The following ANKFN1 variants were observed in gnomAD, a reference collection of about 807,000 sequenced individuals.
The protein encoded by ANKFN1 is ankyrin repeat and fibronectin type-III domain-containing protein 1.
In ANKFN1, 74 loss-of-function variants were observed where a neutral mutation model predicts 108.7. That is an observed-to-expected ratio of 0.68 (90% CI 0.56 to 0.83). ANKFN1 has a LOEUF of 0.83. Ranked by LOEUF, ANKFN1 falls within the 40% of genes least tolerant of loss-of-function variation. ANKFN1 has a pLI of 0.00. For synonymous variants in ANKFN1, 547 were observed against 516.2 expected (o/e 1.06, Z -0.81); for missense variants, 1,505 against 1,382.3 (o/e 1.09, Z -1.41).
At chr17:56,133,261 G>T (rs144318443) in intron 4 of ANKFN1, among the ~76,000 whole-genome samples, 16 of 152,214 alleles carry the variant, frequency 1.1e-4, no homozygotes, top group Middle Eastern at 3.4e-3. Context: ...AAGTGAACAG[G>T]TTCATCAATT....
chr17:56,288,092 C>T (rs1338423579), intron 3 of ANKFN1, among the ~76,000 whole-genome samples: 1 of 151,788 alleles, frequency 6.6e-6, no homozygotes, highest in African/African-American at 2.4e-5. Context: ...TAATCAATTT[C>T]CTAATTTTTC....
At position 56,345,239 on chromosome 17, in the gene ANKFN1, T is replaced by C. The variant is rs189345937; in HGVS notation, c.189-5527T>C. Among the ~76,000 whole-genome samples the C allele has an allele frequency of 3.9e-5, 6 of 152,308 alleles. No homozygotes were observed. The East Asian group carries it at 1.2e-3, about 29-fold the overall frequency. On this transcript the variant is annotated intron_variant, in intron 4 of 20. Coordinates refer to ENST00000682825, the MANE Select transcript of ANKFN1 (RefSeq NM_001370326.1). ...ACATGAGCTCATTCTGTTTTATGGC[T>C]GCGTAGTATTCCATGGTGTATATGT...
intron 1 of ANKFN1, among the ~76,000 whole-genome samples, chr17:56,160,225 G>T (rs754858989): frequency 3.9e-5 from 6 of 152,152 alleles, no homozygotes; most frequent in Non-Finnish European, 7.4e-5. Context: ...CTCTTTAAGA[G>T]GATGATTGAT....
intron 2 of ANKFN1, among the ~76,000 whole-genome samples, chr17:56,220,145 C>A (rs1915732623): frequency 6.6e-6 from 1 of 152,124 alleles, no homozygotes; most frequent in South Asian, 2.1e-4. Flanking sequence ...CAAGGCACTC[C>A]CAAATGAAAT....
rs1834650850 is a variant in ANKFN1 at position 56,457,897 on chromosome 17, G to A, written c.1475G>A (p.Arg492Lys). The change falls in exon 14 of 21, where the codon AGG (arginine) becomes AAG (lysine). Residue 492 changes from arginine to lysine, a missense_variant. Coordinates refer to ENST00000682825, the MANE Select transcript of ANKFN1 (RefSeq NM_001370326.1). ...SCMWEDIRWL[R>K]QSIPISSSSS... ...ATGTGGGAAGATATAAGGTGGCTGA[G>A]GCAAAGCATACCAATATCCTCATCC... 2.5e-6 allele frequency: 4 copies of A among 1,613,764 alleles called. No individual in the cohort carries two copies. Among genetic ancestry groups the A allele is most frequent in the Non-Finnish European group, 3.4e-6 (4 of 1,179,958 alleles).
intron 8 of ANKFN1, among the ~76,000 whole-genome samples, chr17:56,375,366 C>T (rs999863872): frequency 1.3e-5 from 2 of 151,872 alleles, no homozygotes; most frequent in East Asian, 1.9e-4. Flanking sequence ...ACTAAGGGAA[C>T]AAGTAGAGGG....
chr17:56,295,706 AT>A (rs1415337627), intron 3 of ANKFN1, among the ~76,000 whole-genome samples: 1 of 152,252 alleles, frequency 6.6e-6, no homozygotes, highest in South Asian at 2.1e-4. Flanking sequence ...TTAAACAGGA[AT>A]TTTTTCTCAC....
At chr17:56,079,981 G>A (rs1455843798) in intron 4 of ANKFN1, among the ~76,000 whole-genome samples, 1 of 152,066 alleles carries the variant, frequency 6.6e-6, no homozygotes. Flanking sequence ...AGGAACAGTT[G>A]GGCAAGTCAC....
At chr17:56,149,268 T>C (rs1286365275), upstream of ANKFN1, among the ~76,000 whole-genome samples, 1 of 152,132 alleles carries the variant, frequency 6.6e-6, no homozygotes, top group African/African-American at 2.4e-5. Flanking sequence ...GAAACCCCTT[T>C]TTCACAGGCC....
At chr17:56,437,450 A>G (rs1449300913) in intron 8 of ANKFN1, among the ~76,000 whole-genome samples, 1 of 152,174 alleles carries the variant, frequency 6.6e-6, no homozygotes, top group Non-Finnish European at 1.5e-5. Flanking sequence ...TTCAGCCTTC[A>G]GCTTAGAGCT....
At position 56,342,648 on chromosome 17, in the gene ANKFN1, G is replaced by A. The variant is rs565344014; in HGVS notation, c.189-8118G>A. ...TCCTGAGTTCTAATTTGATTGTAAC[G>A]TGGTCCAAGAGATTGTTTGATATGA... On this transcript the variant is annotated intron_variant, in intron 4 of 20. Transcript: ENST00000682825. Among the ~76,000 whole-genome samples the A allele has an allele frequency of 6.6e-5, 10 of 152,118 alleles. No homozygotes were observed. The South Asian group carries it at 1.0e-3, about 16-fold the overall frequency.
intron 4 of ANKFN1, among the ~76,000 whole-genome samples, chr17:56,349,681 T>C (rs1945713502): frequency 1.3e-5 from 2 of 152,290 alleles, no homozygotes; most frequent in Admixed American, 6.5e-5. Flanking sequence ...GTGATGGGAA[T>C]CCCAACTACA....
intron 8 of ANKFN1, among the ~76,000 whole-genome samples, chr17:56,435,661 C>A (rs779639383): frequency 7.9e-5 from 12 of 151,684 alleles, no homozygotes; most frequent in Non-Finnish European, 1.6e-4. Flanking sequence ...ATATTCCTCC[C>A]GATGTGTGAA....
intron 4 of ANKFN1, among the ~76,000 whole-genome samples, chr17:56,055,277 G>A (rs1176348218): frequency 6.6e-6 from 1 of 151,724 alleles, no homozygotes; most frequent in Non-Finnish European, 1.5e-5. Context: ...TTATGTCCAT[G>A]TGTACCCATT....
At chr17:56,162,127 C>T (rs1909713663) in intron 1 of ANKFN1, among the ~76,000 whole-genome samples, 1 of 152,136 alleles carries the variant, frequency 6.6e-6, no homozygotes, top group Non-Finnish European at 1.5e-5. Flanking sequence ...TAGAGTCTCA[C>T]CAAGAATACA....
Position 56,085,180 on chromosome 17 carries a change from C to CATATATATATATATATAT in ANKFN1, c.288+38866_288+38883dup, listed in dbSNP as rs10572105. Among the ~76,000 whole-genome samples the CATATATATATATATATAT allele has an allele frequency of 3.1e-3, 432 of 137,654 alleles. 4 individuals carry two copies. Among genetic ancestry groups the CATATATATATATATATAT allele is most frequent in the African/African-American group, 0.012 (410 of 35,590 alleles). 90.3% of individuals were successfully genotyped at this position (137,654 alleles called of 152,430 possible). A position where few individuals can be genotyped will look rare whatever the true frequency, so the allele number is the denominator to read the frequency against. ...TCTGGTTAAATGTTGCCCTCCAAAG[C>CATATATATATATATATAT]ATATATATATATATATATATATATA... On this transcript the variant is annotated intron_variant, in intron 4 of 12. Transcript: ENST00000635860.
intron 8 of ANKFN1, among the ~76,000 whole-genome samples, chr17:56,380,999 AC>A (rs1387659212): frequency 1.3e-5 from 2 of 152,008 alleles, no homozygotes; most frequent in African/African-American, 4.8e-5. Context: ...TGGGTCCCTG[AC>A]CCCTGACCTC....
intron 8 of ANKFN1, among the ~76,000 whole-genome samples, chr17:56,412,604 A>T (rs1016962911): frequency 2.0e-5 from 3 of 152,190 alleles, no homozygotes; most frequent in Non-Finnish European, 2.9e-5. Flanking sequence ...CCCATGTCAG[A>T]TGCTTCTTGC....
chr17:56,096,751 C>G (rs982713266), intron 4 of ANKFN1, among the ~76,000 whole-genome samples: 1 of 152,164 alleles, frequency 6.6e-6, no homozygotes, highest in Non-Finnish European at 1.5e-5. Flanking sequence ...ACCCAGCAAT[C>G]CCATTATTGG....
Sources: gnomAD v4.1 joint callset for allele counts (sites outside exome capture counted in the v4.1 genomes callset) on GRCh38, gnomAD v4.1.1 for gene constraint, MANE v1.5 for transcripts, NCBI Gene and HGNC (gene_info 2026-07-23, HGNC 2026-07-21) for gene names.